The following DUSP15 variants were observed in gnomAD, a reference collection of about 807,000 sequenced individuals.
The protein encoded by DUSP15 is dual specificity phosphatase 15.
DUSP15 carries 23 observed loss-of-function variants against 26.3 expected under a neutral mutation model. The observed-to-expected ratio is 0.87, with a 90% CI of 0.63 to 1.24. The LOEUF is 1.24. Ranked by LOEUF, DUSP15 falls within the 50% of genes most tolerant of loss-of-function variation. DUSP15 has a pLI of 0.00. For synonymous variants in DUSP15, 143 were observed against 135.5 expected (o/e 1.06, Z -0.39); for missense variants, 364 against 320.6 (o/e 1.14, Z -1.03).
At chr20:31,853,739 A>T (rs974537886) in intron 6 of DUSP15, among the ~76,000 whole-genome samples, 1 of 151,636 alleles carries the variant, frequency 6.6e-6, no homozygotes, top group Non-Finnish European at 1.5e-5. Context: ...CTGGGACTAC[A>T]GGCGCACCCC....
chr20:31,846,440 AAT>A (rs1203718745), downstream of DUSP15, among the ~76,000 whole-genome samples: 18 of 95,338 alleles, frequency 1.9e-4, no homozygotes, highest in African/African-American at 1.0e-3. Flanking sequence ...GAAAGGAATG[AAT>A]AGAGAGAGAG....
At position 31,861,598 on chromosome 20, in the gene DUSP15, C is replaced by T; in HGVS notation, c.513G>A (p.Leu171=). Residue 171 remains leucine (L), a synonymous_variant, in exon 7 of 7, where the codon CTG becomes CTA. Coordinates refer to ENST00000339738, the MANE Select transcript of DUSP15 (RefSeq NM_080611.5). ...DEEELRALLP[L]CKRCRQGSAT... ...CGGAGCCCTGCCGGCAGCGCTTGCA[C>T]AGCGGCAGCAGCGCGCGCAACTCCT... 1 of 1,493,456 alleles carries T rather than the reference C, an allele frequency of 6.7e-7. No individual in the cohort carries two copies. Among genetic ancestry groups the T allele is most frequent in the Non-Finnish European group, 8.8e-7 (1 of 1,130,138 alleles). 92.5% of individuals were successfully genotyped at this position (1,493,456 alleles called of 1,614,324 possible). A position where few individuals can be genotyped will look rare whatever the true frequency, so the allele number is the denominator to read the frequency against.
Position 31,870,422 on chromosome 20 carries a change from C to A in DUSP15, c.-85G>T. ...CACAGCTGCCCTGACGGCCCAGGCC[C>A]GACGCCTGCAGCCTGGCGGGGAACG... is the stretch of plus-strand genomic sequence containing the variant. On this transcript the variant is annotated 5_prime_UTR_variant, in exon 1 of 7. Transcript: ENST00000339738. The surrounding 1 kb of genome is among the most constrained non-coding windows in gnomAD (Gnocchi z 6.6). 7.7e-7 allele frequency: 1 copy of A among 1,293,910 alleles called. No homozygotes were observed. Among genetic ancestry groups the A allele is most frequent in the Non-Finnish European group, 9.8e-7 (1 of 1,024,760 alleles). 80.2% of individuals were successfully genotyped at this position (1,293,910 alleles called of 1,614,324 possible). A position where few individuals can be genotyped will look rare whatever the true frequency, so the allele number is the denominator to read the frequency against.
At chr20:31,853,200 T>C (rs549472836) in intron 6 of DUSP15, among the ~76,000 whole-genome samples, 2 of 152,108 alleles carry the variant, frequency 1.3e-5, no homozygotes, top group African/African-American at 4.8e-5. Flanking sequence ...TGGTTCCTGC[T>C]CTCAAGCCTA....
chr20:31,846,321 C>T (rs2062377504), downstream of DUSP15, among the ~76,000 whole-genome samples: 1 of 150,882 alleles, frequency 6.6e-6, no homozygotes, highest in East Asian at 1.9e-4. Flanking sequence ...CACACACACA[C>T]ACGTAGTATA....
At chr20:31,863,209 G>T (rs2062699317) in intron 5 of DUSP15, among the ~76,000 whole-genome samples, 1 of 152,174 alleles carries the variant, frequency 6.6e-6, no homozygotes, top group South Asian at 2.1e-4. Flanking sequence ...TAGGGAAGGG[G>T]TTCCCAAGGA....
At chr20:31,862,028 C>G (rs1464090103) in intron 6 of DUSP15, among the ~76,000 whole-genome samples, 1 of 152,106 alleles carries the variant, frequency 6.6e-6, no homozygotes, top group Non-Finnish European at 1.5e-5. Context: ...CTCACAACCC[C>G]ATTCCCACAG....
intron 6 of DUSP15, among the ~76,000 whole-genome samples, chr20:31,854,058 A>T (rs183444073): frequency 6.6e-6 from 1 of 152,338 alleles, no homozygotes; most frequent in Admixed American, 6.5e-5. Context: ...AAAGAGATGG[A>T]TAATTCAGGC....
At chr20:31,858,401 C>G (rs1188975327), downstream of DUSP15, among the ~76,000 whole-genome samples, 1 of 152,166 alleles carries the variant, frequency 6.6e-6, no homozygotes, top group Non-Finnish European at 1.5e-5. The surrounding 1 kb of genome is among the most constrained non-coding windows in gnomAD (Gnocchi z 4.4). Flanking sequence ...GCTCAACCCA[C>G]GTGGGCCTGG....
At chr20:31,849,861 G>A (rs1600432083) in exon 8 of DUSP15, 5 of 1,506,304 alleles carry the variant, frequency 3.3e-6, no homozygotes, top group Non-Finnish European at 3.5e-6. Context: ...AGAGCCACAC[G>A]TGCAGCCAGC....
At chr20:31,859,487 C>G (rs1159045947), downstream of DUSP15, among the ~76,000 whole-genome samples, 2 of 152,118 alleles carry the variant, frequency 1.3e-5, no homozygotes, top group African/African-American at 4.8e-5. Context: ...CCAGCATTGA[C>G]CAGAGACTGG....
At chr20:31,861,035 C>T (rs1379943816), downstream of DUSP15, 5 of 1,064,344 alleles carry the variant, frequency 4.7e-6, no homozygotes, top group Non-Finnish European at 4.5e-6. Context: ...ATCCTGCTGC[C>T]CCGCCTTTGT....
chr20:31,865,109 C>T, intron 3 of DUSP15, 107 bp from the exon 4 acceptor site: 4 of 1,202,432 alleles, frequency 3.3e-6, no homozygotes, highest in South Asian at 1.2e-5. Flanking sequence ...TCCTGCCCTT[C>T]TCTGGCCCAC....
intron 6 of DUSP15, among the ~76,000 whole-genome samples, chr20:31,852,407 T>TA (rs2062484586): frequency 6.6e-6 from 1 of 152,194 alleles, no homozygotes; most frequent in Admixed American, 6.5e-5. Context: ...CCACCCACTT[T>TA]ATAGATGAGC....
intron 7 of DUSP15, chr20:31,849,910 G>A: frequency 1.4e-6 from 2 of 1,444,870 alleles, no homozygotes; most frequent in Non-Finnish European, 1.8e-6. Context: ...GCTGGACGTG[G>A]GCGGCGCTAG....
intron 5 of DUSP15, among the ~76,000 whole-genome samples, chr20:31,863,351 G>A (rs1412209750): frequency 6.6e-6 from 1 of 152,194 alleles, no homozygotes; most frequent in Non-Finnish European, 1.5e-5. Context: ...GCTGGAAAGG[G>A]GAAGGAGGGA....
chr20:31,848,867 CACAG>C lies in DUSP15; in HGVS notation c.661_664del (p.Leu221AlafsTer35). 1 of 1,612,284 alleles carries C rather than the reference CACAG, an allele frequency of 6.2e-7. No homozygotes were observed. Among genetic ancestry groups the C allele is most frequent in the Non-Finnish European group, 8.5e-7 (1 of 1,179,612 alleles). On this transcript the variant is annotated frameshift_variant, in exon 9 of 10. Coordinates refer to the DUSP15 transcript ENST00000278979. LOFTEE classifies it high-confidence loss of function. ...GGGGCCCGGGTCCTCCTCACCGAAG[CACAG>C]ACAGATCTGGTACTTTGGGTCCGGT...
At chr20:31,859,308 G>C (rs1377354789), downstream of DUSP15, among the ~76,000 whole-genome samples, 3 of 149,798 alleles carry the variant, frequency 2.0e-5, no homozygotes, top group Non-Finnish European at 4.5e-5. Flanking sequence ...TTGGGGGGGG[G>C]GGATTTGCAT....
exon 8 of DUSP15, chr20:31,849,829 G>C (rs1373420447): frequency 6.6e-7 from 1 of 1,525,988 alleles, no homozygotes; most frequent in South Asian, 1.2e-5. Flanking sequence ...CGGTGGCTTC[G>C]CGCACCAGCG....
Sources: allele counts gnomAD v4.1 joint callset (sites outside exome capture counted in the v4.1 genomes callset), GRCh38; gene constraint gnomAD v4.1.1; non-coding constraint Gnocchi (gnomAD v3.1); transcripts MANE v1.5; gene names NCBI Gene and HGNC (gene_info 2026-07-23, HGNC 2026-07-21).